The following PKD1 variants were observed in gnomAD, a reference collection of about 807,000 sequenced individuals.
PKD1 encodes the protein polycystin-1.
A neutral mutation model predicts 361.7 loss-of-function variants in PKD1; 81 were observed. That is an observed-to-expected ratio of 0.22 (90% confidence interval 0.19 to 0.27). PKD1 has a LOEUF of 0.27. PKD1 is among the 10% of genes least tolerant of loss of function. PKD1 has a pLI of 1.00. For missense variants in PKD1, 6,399 were observed against 6,118.3 expected, an observed-to-expected ratio of 1.05 and a Z score of -1.53; for synonymous variants, 3,615 against 2,818.3, an observed-to-expected ratio of 1.28 and a Z score of -8.95.
In PKD1 at chr16:2,090,563, A is replaced by G. The variant is rs1253595501; in HGVS notation, c.12166T>C (p.Trp4056Arg). ...ACCAACAGGGCCTGGGCCACGCTCC[A>G]GAGGGAGTCCACACAGGAAGACACG... ...LLVSSCVDSL[W>R]SVAQALLVLC... The change falls in exon 45 of 46, where the codon TGG becomes CGG. Residue 4056 changes from tryptophan to arginine, a missense_variant. Transcript: ENST00000262304. 1 of 1,609,350 alleles carries G rather than the reference A, an allele frequency of 6.2e-7. No homozygotes were observed. The highest frequency in any genetic ancestry group is 1.1e-5 in the South Asian group (1 of 90,992).
At chr16:2,091,328 C>CCCT (rs1460898134) in intron 42 of PKD1, 95 bp downstream of exon 42, 4 of 572,510 alleles carry the variant, frequency 7.0e-6, no homozygotes, top group African/African-American at 6.7e-5. Context: ...GGGGGCGGGG[C>CCCT]GCTGCGAGGG....
chr16:2,104,627 G>A lies in PKD1; in HGVS notation c.8032C>T (p.Leu2678Phe), dbSNP rs1269793804. The change falls in exon 22 of 46, where the codon CTC becomes TTC. Residue 2678 changes from leucine to phenylalanine, a missense_variant. Coordinates refer to ENST00000262304, the MANE Select transcript of PKD1 (RefSeq NM_001009944.3). ...LAQCMGPSRE[L>F]VCRSCLKQTL... ...TGCTTCAGGCACGAGCGGCATACGA[G>A]CTCCCTGCTGGGCCCCTGTGTGGAG... 2.6e-6 allele frequency: 4 copies of A among 1,557,572 alleles called. No individual in the cohort carries two copies. In the Admixed American group the frequency reaches 5.1e-5, roughly 20 times the overall value.
intron 1 of PKD1, chr16:2,131,819 T>C (rs1325284768): frequency 6.6e-6 from 1 of 151,784 alleles, no homozygotes; most frequent in Non-Finnish European, 1.5e-5. Flanking sequence ...CCAGACTCCG[T>C]CTCAAACAAA....
intron 1 of PKD1, among the ~76,000 whole-genome samples, chr16:2,127,098 C>G (rs922622419): frequency 6.6e-6 from 1 of 152,084 alleles, no homozygotes; most frequent in African/African-American, 2.4e-5. Flanking sequence ...TCAGGCTTGG[C>G]ACAACCTCCC....
In PKD1 at chr16:2,091,469, G is replaced by C; in HGVS notation, c.11666C>G (p.Ala3889Gly). Residue 3889 changes from alanine (A) to glycine (G), a missense_variant, in exon 42 of 46, where the codon GCG (alanine) becomes GGG (glycine). Physicochemically the swap from Ala to Gly is moderately conservative, Grantham distance 60. Transcript: ENST00000262304. ...ALAALSVRPF[A>G]LRRLSAGLSL... ...GAGGCCCGCGCTGAGGCGGCGCAGC[G>C]CAAAGGGGCGGACGCTGAGGGCGGC... The C allele has an allele frequency of 7.5e-7, 1 of 1,326,626 alleles. No homozygotes were observed. The highest frequency in any genetic ancestry group is 1.6e-5 in the African/African-American group (1 of 62,264). The allele number at this position is 1,326,626 out of a possible 1,614,324, so 82.2% of individuals were successfully genotyped here.
rs1292985717 is a variant in PKD1, at chr16:2,119,509, G to C, written c.216-131C>G. 5 of 707,556 alleles carry C rather than the reference G, an allele frequency of 7.1e-6. No homozygotes were observed. In the East Asian group the frequency reaches 1.3e-4, roughly 19 times the overall value. 43.8% of individuals were successfully genotyped at this position (707,556 alleles called of 1,614,324 possible). ...ACCCTTGAGCTCCCCACTCCCAGAG[G>C]TCAGGAGGGGACTTTCTGATGGAAG... On this transcript the variant is annotated intron_variant, in intron 1 of 45. Coordinates refer to ENST00000262304, the MANE Select transcript of PKD1 (RefSeq NM_001009944.3).
At chr16:2,123,857 C>T (rs1439822019) in intron 1 of PKD1, among the ~76,000 whole-genome samples, 1 of 152,198 alleles carries the variant, frequency 6.6e-6, no homozygotes, top group Non-Finnish European at 1.5e-5. Flanking sequence ...TGCCCGAGGG[C>T]CAGGATGTGC....
chr16:2,098,136 T>C (rs2091923286), intron 30 of PKD1, 152 bp from the exon 31 acceptor site: 5 of 618,678 alleles, frequency 8.1e-6, no homozygotes, highest in Non-Finnish European at 1.5e-5. Flanking sequence ...GCACCGTCCG[T>C]GATGGCAGCC....
chr16:2,126,364 C>T (rs2092800085), intron 1 of PKD1, among the ~76,000 whole-genome samples: 1 of 152,260 alleles, frequency 6.6e-6, no homozygotes. Flanking sequence ...CAGATCATGG[C>T]GCTGCTAAGG....
At chr16:2,115,766 G>T in intron 9 of PKD1, 141 bp from the exon 10 acceptor site, 1 of 1,018,962 alleles carries the variant, frequency 9.8e-7, no homozygotes, top group Non-Finnish European at 1.4e-6. Flanking sequence ...CCAGTGCTGC[G>T]TCCGTCTCCG....
Position 2,106,712 on chromosome 16 carries a change from C to G in PKD1, c.7210-35G>C. On this transcript the variant is annotated intron_variant, in intron 17 of 45. Coordinates refer to ENST00000262304, the MANE Select transcript of PKD1 (RefSeq NM_001009944.3). The surrounding 1 kb of genome is among the most constrained non-coding windows in gnomAD (Gnocchi z 6.5). ...GAAGGGGTGGTGAGGGGGCGCAACC[C>G]TCTGCCCTGTCAGCCCCACTTCTGC... is the stretch of plus-strand genomic sequence containing the variant. 6.4e-7 allele frequency: 1 copy of G among 1,567,320 alleles called. No homozygotes were observed. The highest frequency in any genetic ancestry group is 8.6e-7 in the Non-Finnish European group (1 of 1,158,594).
rs147447715 is a variant in PKD1, at chr16:2,114,292, C to T, written c.2731G>A (p.Val911Met). Residue 911 changes from valine (V) to methionine (M), a missense_variant, in exon 11 of 46, where the codon GTG (valine) becomes ATG (methionine). Coordinates refer to ENST00000262304, the MANE Select transcript of PKD1 (RefSeq NM_001009944.3). ...CGGCTGGCGCTGTTTTCCACCACCA[C>T]GTCCACCACGTGCTCCCCCTCACTG... is the stretch of plus-strand genomic sequence containing the variant. The part of the protein sequence containing the change: ...WLSEGEHVVD[V>M]VVENSASRAN... The T allele has an allele frequency of 3.1e-6, 5 of 1,610,478 alleles. No individual in the cohort carries two copies. Among genetic ancestry groups the T allele is most frequent in the Non-Finnish European group, 4.2e-6 (5 of 1,179,660 alleles).
chr16:2,111,466 G>A lies in PKD1; in HGVS notation c.3701C>T (p.Ala1234Val), dbSNP rs545640319. The A allele has an allele frequency of 5.1e-5, 82 of 1,611,650 alleles. No homozygotes were observed. The highest frequency in any genetic ancestry group is 3.3e-4 in the East Asian group (15 of 44,856). ...CGTGATGTTGTCGCCCGTCTGCACC[G>A]CGGCGCTGACCACCACGGGGGCGCC... ...EQGAPVVVSA[A>V]VQTGDNITWT... Residue 1234 changes from alanine (A) to valine (V), a missense_variant, in exon 15 of 46, where the codon GCG (alanine) becomes GTG (valine). Transcript: ENST00000262304.
Position 2,091,150 on chromosome 16 carries a change from G to A in PKD1, c.11737C>T (p.His3913Tyr), listed in dbSNP as rs771945881. The A allele has an allele frequency of 9.5e-6, 14 of 1,476,538 alleles. No homozygotes were observed. The highest frequency in any genetic ancestry group is 8.8e-5 in the African/African-American group (6 of 67,866). The allele number at this position is 1,476,538 out of a possible 1,614,324, so 91.5% of individuals were successfully genotyped here. The change falls in exon 43 of 46, where the codon CAC becomes TAC. Residue 3913 changes from histidine to tyrosine, a missense_variant. Physicochemically the swap from His to Tyr is moderately conservative, Grantham distance 83. Coordinates refer to ENST00000262304, the MANE Select transcript of PKD1 (RefSeq NM_001009944.3). Reference sequence around the variant, plus strand: ...GTACGGGCCTCGGCCACGGCGAAGTGCACGGCGAACAGCAGCAGGCACACC... The same window carrying A: ...GTACGGGCCTCGGCCACGGCGAAGTACACGGCGAACAGCAGCAGGCACACC... ...TSVCLLLFAV[H>Y]FAVAEARTWH...
chr16:2,093,308 C>A, intron 37 of PKD1: 1 of 682,086 alleles, frequency 1.5e-6, no homozygotes. Context: ...TGCAGTGGTG[C>A]TTAGGGGCCT....
chr16:2,111,236 C>A lies in PKD1; in HGVS notation c.3931G>T (p.Ala1311Ser), dbSNP rs146169133. Reference sequence around the variant, plus strand: ...CCGGTGACGTAGGCCGTGAGCCGCGCGTCAGGCTGCGTGGGGATGCAGGCG... The same window carrying A: ...CCGGTGACGTAGGCCGTGAGCCGCGAGTCAGGCTGCGTGGGGATGCAGGCG... ...PAACIPTQPDARLTAYVTGNP... is the reference protein window; with the variant it reads ...PAACIPTQPDSRLTAYVTGNP... The change falls in exon 15 of 46, where the codon GCG (alanine) becomes TCG (serine). Residue 1311 changes from alanine to serine, a missense_variant. Coordinates refer to ENST00000262304, the MANE Select transcript of PKD1 (RefSeq NM_001009944.3). 226 of 1,610,790 alleles carry A rather than the reference C, an allele frequency of 1.4e-4. 2 individuals are homozygous for A. In the South Asian group the frequency reaches 2.4e-3, roughly 17 times the overall value.
In PKD1 at chr16:2,102,542, G is replaced by A. The variant is rs763348244; in HGVS notation, c.9040C>T (p.Leu3014=). ...LQVSVGLYTS[L]CQYFSEEDMV... is the part of the protein sequence containing the mutation. ...TCCTCCTCGCTGAAGTACTGGCACA[G>A]GGACGTGTACAGGCCCACGGACACC... Residue 3014 remains leucine, a synonymous_variant, in exon 25 of 46, where the codon CTG becomes TTG. Coordinates refer to ENST00000262304, the MANE Select transcript of PKD1 (RefSeq NM_001009944.3). 9 of 1,610,192 alleles carry A rather than the reference G, an allele frequency of 5.6e-6. No homozygotes were observed. The East Asian group carries it at 1.8e-4, about 32-fold the overall frequency.
chr16:2,097,162 G>T lies in PKD1; in HGVS notation c.10485C>A (p.Asp3495Glu), dbSNP rs200408375. ...APTQDTHMETDLLSSLSSTPG... is the reference protein window; with the variant it reads ...APTQDTHMETELLSSLSSTPG... ...CGGACACTCACAGGCTGCTGAGCAGGTCCGTTTCCATGTGGGTGTCTTGGG... is the reference window on the plus strand; with the variant it reads ...CGGACACTCACAGGCTGCTGAGCAGTTCCGTTTCCATGTGGGTGTCTTGGG... The change falls in exon 34 of 46, where the codon GAC becomes GAA. Residue 3495 changes from aspartate (D) to glutamate (E), a missense_variant. By Grantham distance (45) the Asp-to-Glu change is conservative. Coordinates refer to ENST00000262304, the MANE Select transcript of PKD1 (RefSeq NM_001009944.3). 53 of 1,552,326 alleles carry T rather than the reference G, an allele frequency of 3.4e-5. No homozygotes were observed. The highest frequency in any genetic ancestry group is 4.5e-5 in the Non-Finnish European group (52 of 1,147,982).
chr16:2,105,732 G>A, intron 20 of PKD1, 133 bp downstream of exon 20: 4 of 1,288,264 alleles, frequency 3.1e-6, no homozygotes, highest in Non-Finnish European at 3.3e-6. Flanking sequence ...AGGTCGGGGT[G>A]CTGCTTCAGG....
Sources: gnomAD v4.1 joint callset for allele counts (sites outside exome capture counted in the v4.1 genomes callset) on GRCh38, gnomAD v4.1.1 for gene constraint, Gnocchi (gnomAD v3.1) non-coding constraint, MANE v1.5 for transcripts, NCBI Gene and HGNC (gene_info 2026-07-23, HGNC 2026-07-21) for gene names.